ADRB3: variants seen among roughly 807,000 people sequenced by gnomAD.
ADRB3 encodes the protein adrenoceptor beta 3.
Under a neutral mutation model 23.8 loss-of-function variants are expected in ADRB3, and 33 were observed. The observed-to-expected ratio is 1.38, with a 90% CI of 1.05 to 1.85. The LOEUF is 1.85. Among genes scored for constraint, ADRB3 ranks in the 40% most tolerant of loss-of-function variants. The pLI, the probability that ADRB3 is intolerant of heterozygous loss-of-function variation, is 0.00. For synonymous variants in ADRB3, 289 were observed against 273.0 expected, an observed-to-expected ratio of 1.06 and a Z score of -0.58; for missense variants, 600 against 579.6, an observed-to-expected ratio of 1.04 and a Z score of -0.36.
At position 37,965,775 on chromosome 8, in the gene ADRB3, G is replaced by A. The variant is rs1466559714; in HGVS notation, c.695C>T (p.Thr232Met). Reference sequence around the variant, plus strand: ...CCCGCGCAGCAAGCGCAGCTGGCGCGTAGCCACCACGAAAACCCGCGCGTA... The same window carrying A: ...CCCGCGCAGCAAGCGCAGCTGGCGCATAGCCACCACGAAAACCCGCGCGTA... ...FVYARVFVVA[T>M]RQLRLLRGEL... The change falls in exon 1 of 2, where the codon ACG (threonine) becomes ATG (methionine). Residue 232 changes from threonine to methionine, a missense_variant. Transcript: ENST00000345060. 6.4e-7 allele frequency: 1 copy of A among 1,551,304 alleles called. No individual in the cohort carries two copies. Among genetic ancestry groups the A allele is most frequent in the Non-Finnish European group, 8.7e-7 (1 of 1,146,858 alleles).
In ADRB3 at chr8:37,964,063, G is replaced by A; in HGVS notation, c.*155C>T. The A allele has an allele frequency of 9.5e-6, 6 of 631,636 alleles. No individual in the cohort carries two copies. Among genetic ancestry groups the A allele is most frequent in the Non-Finnish European group, 1.7e-5 (6 of 355,334 alleles). 39.1% of individuals were successfully genotyped at this position (631,636 alleles called of 1,614,324 possible). On this transcript the variant is annotated 3_prime_UTR_variant, in exon 2 of 2. Coordinates refer to ENST00000345060, the MANE Select transcript of ADRB3 (RefSeq NM_000025.3). ...GCAAGAGGATGGTGAAAACCCACTTGGTAAGGATCCCTCCTTGGGTCACAT... is the reference window on the plus strand; with the variant it reads ...GCAAGAGGATGGTGAAAACCCACTTAGTAAGGATCCCTCCTTGGGTCACAT...
chr8:37,965,313 G>T lies in ADRB3; in HGVS notation c.1157C>A (p.Ala386Glu). Residue 386 changes from alanine (A) to glutamate (E), a missense_variant, in exon 1 of 2, where the codon GCG becomes GAG. Ala to Glu is a moderately radical substitution (Grantham distance 107, BLOSUM62 -1). Coordinates refer to ENST00000345060, the MANE Select transcript of ADRB3 (RefSeq NM_000025.3). Reference sequence around the variant, plus strand: ...GGGCTGCGCTGGGCTGCTCCGGGCCGCAGGAACGCCCGAGGGGAAGAGGGC... The same window carrying T: ...GGGCTGCGCTGGGCTGCTCCGGGCCTCAGGAACGCCCGAGGGGAAGAGGGC... ...RPALFPSGVP[A>E]ARSSPAQPRL... The T allele has an allele frequency of 6.5e-7, 1 of 1,543,220 alleles. No homozygotes were observed. The highest frequency in any genetic ancestry group is 8.7e-7 in the Non-Finnish European group (1 of 1,149,616).
rs778046492 is a variant in ADRB3, at chr8:37,966,492, T to C, written c.-23A>G. On this transcript the variant is annotated 5_prime_UTR_variant, in exon 1 of 2. Transcript: ENST00000345060. ...CATCCCCGGGTCGCGCGTGGGGCGG[T>C]AGGGAAAGAAGGAAGGAGGGGGTCT... 24 of 1,562,432 alleles carry C rather than the reference T, an allele frequency of 1.5e-5. No individual in the cohort carries two copies. The highest frequency in any genetic ancestry group is 2.1e-5 in the Non-Finnish European group (24 of 1,159,364).
At chr8:37,965,219 T>C in intron 1 of ADRB3, 46 bp downstream of exon 1, 3 of 1,456,112 alleles carry the variant, frequency 2.1e-6, no homozygotes, top group Non-Finnish European at 2.7e-6. Context: ...ACACATCGCA[T>C]GCTTCCCGAC....
chr8:37,966,018 T>C lies in ADRB3; in HGVS notation c.452A>G (p.Lys151Arg), dbSNP rs200133226. ...GACCACAGCTGTCCGGGCGCAGCGC[T>C]TGGTGACCAGTGCGCCGTAACGCAG... ...NPLRYGALVT[K>R]RCARTAVVLV... The change falls in exon 1 of 2, where the codon AAG becomes AGG. Residue 151 changes from lysine (K) to arginine (R), a missense_variant. Transcript: ENST00000345060. The C allele has an allele frequency of 1.8e-4, 288 of 1,578,068 alleles. No individual in the cohort carries two copies. The highest frequency in any genetic ancestry group is 5.0e-4 in the Middle Eastern group (3 of 6,046).
Position 37,966,470 on chromosome 8 carries a change from C to A in ADRB3, c.-1G>T. On this transcript the variant is annotated 5_prime_UTR_variant, in exon 1 of 2. Coordinates refer to ENST00000345060, the MANE Select transcript of ADRB3 (RefSeq NM_000025.3). ...TGTTCTCGTGAGGCCACGGAGCCAT[C>A]CCCGGGTCGCGCGTGGGGCGGTAGG... The A allele has an allele frequency of 1.9e-6, 3 of 1,587,496 alleles. No homozygotes were observed. The highest frequency in any genetic ancestry group is 2.6e-6 in the Non-Finnish European group (3 of 1,170,876).
At position 37,965,832 on chromosome 8, in the gene ADRB3, A is replaced by G. The variant is rs200853844; in HGVS notation, c.638T>C (p.Phe213Ser). The G allele has an allele frequency of 8.4e-6, 13 of 1,553,168 alleles. No individual in the cohort carries two copies. In the African/African-American group the frequency reaches 1.8e-4, roughly 21 times the overall value. ...GAGCATCACGAGAAGAGGAAGGTAG[A>G]AGGAGACGGAGGAGGACAGCAGCAC... ...PYVLLSSSVS[F>S]YLPLLVMLFV... The change falls in exon 1 of 2, where the codon TTC (phenylalanine) becomes TCC (serine). Residue 213 changes from phenylalanine (F) to serine (S), a missense_variant. Physicochemically the swap from Phe to Ser is radical, Grantham distance 155. Transcript: ENST00000345060.
Position 37,966,035 on chromosome 8 carries a change from G to T in ADRB3, c.435C>A (p.Tyr145Ter). 6.3e-7 allele frequency: 1 copy of T among 1,584,894 alleles called. No homozygotes were observed. The highest frequency in any genetic ancestry group is 8.6e-7 in the Non-Finnish European group (1 of 1,165,514). ...CGCAGCGCTTGGTGACCAGTGCGCC[G>T]TAACGCAGCGGGTTGGTCACAGCCA... ...RYLAVTNPLR[Y>*]GALVTKRCAR... is the part of the protein sequence containing the mutation. The change falls in exon 1 of 2, where the codon TAC becomes TAA. Residue 145 changes from tyrosine (Y) to a stop codon, truncating the protein, a stop_gained. Coordinates refer to ENST00000345060, the MANE Select transcript of ADRB3 (RefSeq NM_000025.3). LOFTEE classifies it high-confidence loss of function.
intron 1 of ADRB3, chr8:37,964,961 C>T (rs944902590): frequency 2.9e-6 from 1 of 343,326 alleles, no homozygotes; most frequent in African/African-American, 2.1e-5. Context: ...AAAAAAAATC[C>T]CTAAAGCCGA....
At chr8:37,965,221 C>G in intron 1 of ADRB3, 44 bp downstream of exon 1, 1 of 1,461,602 alleles carries the variant, frequency 6.8e-7, no homozygotes, top group Non-Finnish European at 9.0e-7. Flanking sequence ...ACATCGCATG[C>G]TTCCCGACCC....
rs185060000 is a variant in ADRB3, at chr8:37,965,253, C to G, written c.1205+12G>C. On this transcript the variant is annotated intron_variant, in intron 1 of 1. Coordinates refer to ENST00000345060, the MANE Select transcript of ADRB3 (RefSeq NM_000025.3). ...ACCCTGAGCCGCCGGTCCCTCTGCC[C>G]CGGTTACCTACCCGTCGAGCCGTTG... The G allele has an allele frequency of 1.1e-4, 163 of 1,505,152 alleles. No homozygotes were observed. The African/African-American group carries it at 2.1e-3, about 20-fold the overall frequency. The allele number at this position is 1,505,152 out of a possible 1,614,324, so 93.2% of individuals were successfully genotyped here.
At position 37,965,312 on chromosome 8, in the gene ADRB3, C is replaced by G. The variant is rs768860692; in HGVS notation, c.1158G>C (p.Ala386=). ...RPALFPSGVP[A]ARSSPAQPRL... ...TGGGCTGCGCTGGGCTGCTCCGGGC[C>G]GCAGGAACGCCCGAGGGGAAGAGGG... The change falls in exon 1 of 2, where the codon GCG becomes GCC. Residue 386 remains alanine, a synonymous_variant. Coordinates refer to ENST00000345060, the MANE Select transcript of ADRB3 (RefSeq NM_000025.3). 32 of 1,543,270 alleles carry G rather than the reference C, an allele frequency of 2.1e-5. No homozygotes were observed. The African/African-American group carries it at 3.3e-4, about 16-fold the overall frequency.
chr8:37,965,546 G>C lies in ADRB3; in HGVS notation c.924C>G (p.Phe308Leu). Residue 308 changes from phenylalanine to leucine, a missense_variant, in exon 1 of 2, where the codon TTC becomes TTG. By Grantham distance (22) the Phe-to-Leu change is conservative. Transcript: ENST00000345060. ...MGTFTLCWLP[F>L]FLANVLRALG... ...GGGCGCGCAGCACGTTGGCCAGAAA[G>C]AAGGGCAACCAGCAGAGAGTGAAGG... 6.4e-7 allele frequency: 1 copy of C among 1,551,050 alleles called. No homozygotes were observed. Among genetic ancestry groups the C allele is most frequent in the Non-Finnish European group, 8.7e-7 (1 of 1,147,022 alleles).
At chr8:37,965,019 G>A in intron 1 of ADRB3, 1 of 453,122 alleles carries the variant, frequency 2.2e-6, no homozygotes, top group Non-Finnish European at 3.8e-6. Flanking sequence ...TTCCGGTGGC[G>A]CACCTTGGGT....
Position 37,964,210 on chromosome 8 carries a change from C to T in ADRB3, c.*8G>A. ...ATCAACAGAGTTGTTGCTTCTTGTC[C>T]TTCAGGCCTAAGAAACTCCCCAAGA... On this transcript the variant is annotated 3_prime_UTR_variant, in exon 2 of 2. Transcript: ENST00000345060. The T allele has an allele frequency of 6.2e-7, 1 of 1,613,450 alleles. No individual in the cohort carries two copies. Among genetic ancestry groups the T allele is most frequent in the African/African-American group, 1.3e-5 (1 of 75,010 alleles).
rs1808251096 is a variant in ADRB3 at position 37,964,030 on chromosome 8, G to T, written c.*188C>A. On this transcript the variant is annotated 3_prime_UTR_variant, in exon 2 of 2. Transcript: ENST00000345060. ...GCTGGGGTTTAGAAAACATCTCTCA[G>T]ACAGAGAGCAAGAGGATGGTGAAAA... 3.5e-6 allele frequency: 2 copies of T among 576,138 alleles called. No individual in the cohort carries two copies. The highest frequency in any genetic ancestry group is 1.9e-5 in the African/African-American group (1 of 52,752). The allele number at this position is 576,138 out of a possible 1,614,324, so 35.7% of individuals were successfully genotyped here. A position where few individuals can be genotyped will look rare whatever the true frequency, so the allele number is the denominator to read the frequency against.
At position 37,965,531 on chromosome 8, in the gene ADRB3, C is replaced by T. The variant is rs1483402873; in HGVS notation, c.939G>A (p.Val313=). The part of the protein sequence containing the change: ...LCWLPFFLAN[V]LRALGGPSLV... ...GAGAGGGGCCCCCCAGGGCGCGCAGCACGTTGGCCAGAAAGAAGGGCAACC... is the reference window on the plus strand; with the variant it reads ...GAGAGGGGCCCCCCAGGGCGCGCAGTACGTTGGCCAGAAAGAAGGGCAACC... The change falls in exon 1 of 2, where the codon GTG becomes GTA. Residue 313 remains valine (V), a synonymous_variant. Transcript: ENST00000345060. 1 of 1,551,220 alleles carries T rather than the reference C, an allele frequency of 6.4e-7. No homozygotes were observed. The highest frequency in any genetic ancestry group is 2.0e-5 in the Admixed American group (1 of 51,044).
At chr8:37,965,086 G>C in intron 1 of ADRB3, 179 bp downstream of exon 1, 2 of 609,950 alleles carry the variant, frequency 3.3e-6, no homozygotes, top group African/African-American at 3.9e-5. Flanking sequence ...CTAGTGACTG[G>C]ATCCGGAAAG....
chr8:37,966,489 C>A lies in ADRB3; in HGVS notation c.-20G>T. 1.3e-6 allele frequency: 2 copies of A among 1,566,518 alleles called. No homozygotes were observed. Among genetic ancestry groups the A allele is most frequent in the East Asian group, 2.3e-5 (1 of 43,288 alleles). The stretch of plus-strand genomic sequence containing the variant: ...AGCCATCCCCGGGTCGCGCGTGGGG[C>A]GGTAGGGAAAGAAGGAAGGAGGGGG... On this transcript the variant is annotated 5_prime_UTR_variant, in exon 1 of 2. Transcript: ENST00000345060.
Sources: allele counts gnomAD v4.1 joint callset, GRCh38; gene constraint gnomAD v4.1.1; transcripts MANE v1.5; gene names NCBI Gene and HGNC (gene_info 2026-07-23, HGNC 2026-07-21).